Variants in CRYZL1 observed in about 807,000 individuals in gnomAD.
The protein encoded by CRYZL1 is ferry endosomal RAB5 effector complex subunit 4.
In CRYZL1, 34 loss-of-function variants were observed where a neutral mutation model predicts 50.6. The observed-to-expected ratio is 0.67, with a 90% CI of 0.51 to 0.89. The LOEUF is 0.89. Ranked by LOEUF, CRYZL1 falls within the 40% of genes least tolerant of loss-of-function variation. The pLI is 0.00. For missense variants in CRYZL1, 354 were observed against 402.3 expected (o/e 0.88, Z 1.03); for synonymous variants, 125 against 134.3 (o/e 0.93, Z 0.48).
chr21:33,616,727 G>C lies in CRYZL1; in HGVS notation c.241C>G (p.Gln81Glu). 1 of 1,608,294 alleles carries C rather than the reference G, an allele frequency of 6.2e-7. No homozygotes were observed. The highest frequency in any genetic ancestry group is 8.5e-7 in the Non-Finnish European group (1 of 1,176,904). The change falls in exon 5 of 13, where the codon CAA becomes GAA. Residue 81 changes from glutamine to glutamate, a missense_variant. Coordinates refer to ENST00000381554, the MANE Select transcript of CRYZL1 (RefSeq NM_145858.3). ...TTACCAACTACTTCATCATCTGGTTGAAAGAATGATACCTTGCTTCCAACT... is the reference window on the plus strand; with the variant it reads ...TTACCAACTACTTCATCATCTGGTTCAAAGAATGATACCTTGCTTCCAACT... ...LDVGSKVSFFQPDDEVVGILP... is the reference protein window; with the variant it reads ...LDVGSKVSFFEPDDEVVGILP...
At chr21:33,620,538 T>C (rs960103695) in intron 4 of CRYZL1, among the ~76,000 whole-genome samples, 14 of 149,272 alleles carry the variant, frequency 9.4e-5, no homozygotes, top group African/African-American at 3.2e-4. Flanking sequence ...GGGCCAGGGA[T>C]GGTGGCTCAT....
At chr21:33,627,846 A>G (rs907661077) in intron 2 of CRYZL1, among the ~76,000 whole-genome samples, 2 of 146,480 alleles carry the variant, frequency 1.4e-5, no homozygotes, top group Non-Finnish European at 3.0e-5. Flanking sequence ...CCGGGTTCAT[A>G]CCATTCTCCT....
intron 8 of CRYZL1, 103 bp downstream of exon 8, chr21:33,602,131 C>T: frequency 3.0e-6 from 2 of 677,874 alleles, no homozygotes; most frequent in Admixed American, 2.3e-5. Context: ...TGAGCCACTG[C>T]ACCTGGCCAG....
At chr21:33,590,918 A>G (rs558692660) in intron 12 of CRYZL1, among the ~76,000 whole-genome samples, 1 of 152,338 alleles carries the variant, frequency 6.6e-6, no homozygotes, top group Non-Finnish European at 1.5e-5. Context: ...GTACCACCAG[A>G]TACACTTTGA....
chr21:33,627,452 G>C (rs970859659), intron 2 of CRYZL1, among the ~76,000 whole-genome samples: 3 of 152,040 alleles, frequency 2.0e-5, no homozygotes, highest in Non-Finnish European at 4.4e-5. Context: ...TTGTGTTCAC[G>C]ATCAAAACTC....
At chr21:33,625,809 G>T in intron 2 of CRYZL1, among the ~76,000 whole-genome samples, 1 of 151,652 alleles carries the variant, frequency 6.6e-6, no homozygotes, top group Non-Finnish European at 1.5e-5. Flanking sequence ...CGCTATAAGT[G>T]AAATTCTTTT....
At chr21:33,611,794 C>A (rs149338622) in intron 6 of CRYZL1, among the ~76,000 whole-genome samples, 365 of 152,332 alleles carry the variant, frequency 2.4e-3, no homozygotes, top group African/African-American at 8.0e-3. Flanking sequence ...ACACAGGTAA[C>A]TTCCACCCAA....
intron 6 of CRYZL1, among the ~76,000 whole-genome samples, chr21:33,604,976 T>G (rs1460181398): frequency 6.6e-6 from 1 of 152,218 alleles, no homozygotes; most frequent in Non-Finnish European, 1.5e-5. Flanking sequence ...TGAATGTCCT[T>G]GTCAACTTGT....
In CRYZL1 at chr21:33,628,778, A is replaced by T. The variant is rs575324330; in HGVS notation, c.66+2708T>A. On this transcript the variant is annotated intron_variant, in intron 2 of 12. Transcript: ENST00000381554. ...CAGCATGCCTGGTTAACTCAAAAAA[A>T]TTTTTTTTTTTGTAGAGACAGGGTC... 4.1e-3 allele frequency among the ~76,000 whole-genome samples: 600 copies of T among 146,572 alleles called. 4 individuals carry two copies. The highest frequency in any genetic ancestry group is 0.013 in the African/African-American group (522 of 40,110).
intron 2 of CRYZL1, among the ~76,000 whole-genome samples, chr21:33,630,567 C>G (rs931208433): frequency 1.3e-5 from 2 of 148,988 alleles, no homozygotes; most frequent in African/African-American, 5.0e-5. Flanking sequence ...GCCTGGGCAA[C>G]AGAGTGAGAC....
chr21:33,636,564 G>A (rs1266488463), intron 1 of CRYZL1, among the ~76,000 whole-genome samples: 2 of 152,030 alleles, frequency 1.3e-5, no homozygotes, highest in South Asian at 2.1e-4. Context: ...AAAAAATCTG[G>A]AGAAACAAAA....
intron 11 of CRYZL1, chr21:33,595,341 G>A (rs2086683174): frequency 8.1e-7 from 1 of 1,242,004 alleles, no homozygotes; most frequent in African/African-American, 1.5e-5. Context: ...ACCATCATAG[G>A]AGTAAGTGTG....
At chr21:33,615,457 T>C (rs192405342) in intron 5 of CRYZL1, among the ~76,000 whole-genome samples, 2 of 152,228 alleles carry the variant, frequency 1.3e-5, no homozygotes, top group East Asian at 3.9e-4. Flanking sequence ...TAATATATAT[T>C]ATATGGCCCT....
intron 1 of CRYZL1, among the ~76,000 whole-genome samples, chr21:33,638,567 C>A (rs1204265204): frequency 1.3e-5 from 2 of 152,184 alleles, no homozygotes; most frequent in Non-Finnish European, 2.9e-5. Context: ...GATATCTCTA[C>A]ATGGTATAGT....
intron 6 of CRYZL1, among the ~76,000 whole-genome samples, chr21:33,610,715 C>A (rs972203655): frequency 1.3e-5 from 2 of 148,690 alleles, no homozygotes; most frequent in Non-Finnish European, 1.5e-5. Context: ...AAGGAATGGG[C>A]CTTGTTTGGT....
intron 1 of CRYZL1, chr21:33,641,057 TTTGTAC>T: frequency 7.0e-7 from 1 of 1,422,308 alleles, no homozygotes; most frequent in East Asian, 2.6e-5. Context: ...TCGCATTATA[TTTGTAC>T]TGGACAGAGT....
chr21:33,599,344 A>G, intron 8 of CRYZL1, 96 bp from the exon 9 acceptor site: 3 of 1,483,396 alleles, frequency 2.0e-6, no homozygotes, highest in East Asian at 2.4e-5. Context: ...ATAAATATCT[A>G]TTCTTGAAAT....
Position 33,617,998 on chromosome 21 carries a change from T to C in CRYZL1, c.218-1248A>G, listed in dbSNP as rs569611180. ...TACCAAGAAGTTTTCTGGAACTTTA[T>C]AGAAATGATGGCCGGGCGCGGTGGC... is the stretch of plus-strand genomic sequence containing the variant. On this transcript the variant is annotated intron_variant, in intron 4 of 12. Coordinates refer to ENST00000381554, the MANE Select transcript of CRYZL1 (RefSeq NM_145858.3). Among the ~76,000 whole-genome samples, 11 of 152,222 alleles carry C rather than the reference T, an allele frequency of 7.2e-5. No homozygotes were observed. The South Asian group carries it at 2.1e-3, about 29-fold the overall frequency.
intron 6 of CRYZL1, among the ~76,000 whole-genome samples, chr21:33,607,565 G>A (rs772491593): frequency 1.1e-4 from 16 of 152,176 alleles, no homozygotes; most frequent in Non-Finnish European, 1.9e-4. Flanking sequence ...CCAGGAGTTT[G>A]AGGCTGCAGT....
Sources: gnomAD v4.1 joint callset for allele counts (sites outside exome capture counted in the v4.1 genomes callset) on GRCh38, gnomAD v4.1.1 for gene constraint, MANE v1.5 for transcripts, NCBI Gene and HGNC (gene_info 2026-07-23, HGNC 2026-07-21) for gene names.